GGTA1: variants seen among roughly 807,000 people sequenced by gnomAD.
GGTA1 encodes the protein glycoprotein alpha-galactosyltransferase 1 (inactive), also known as inactive N-acetyllactosaminide alpha-1,3-galactosyltransferase.
A neutral mutation model predicts 2.6 loss-of-function variants in GGTA1; 5 were observed. The ratio of observed to expected loss-of-function variants is 1.92; its 90% CI spans 1.00 to 4.04. The LOEUF (loss-of-function observed/expected upper bound fraction) is 4.04. GGTA1 is among the 30% of genes most tolerant of loss of function. The probability of loss-of-function intolerance (pLI) is 0.00; values close to 1 mark genes in which losing one functional copy is unlikely to be tolerated. For missense variants in GGTA1, 50 were observed against 16.7 expected, an observed-to-expected ratio of 2.99 and a Z score of -3.47; for synonymous variants, 17 against 5.0, an observed-to-expected ratio of 3.38 and a Z score of -3.19.
chr9:121,454,749 A>C (rs1362423566), downstream of GGTA1, among the ~76,000 whole-genome samples: 1 of 152,210 alleles, frequency 6.6e-6, no homozygotes, highest in African/African-American at 2.4e-5. Flanking sequence ...GCGGTGGCTC[A>C]TGCCTGCAAT....
intron 1 of GGTA1, among the ~76,000 whole-genome samples, chr9:121,478,727 A>G (rs1828569635): frequency 6.6e-6 from 1 of 152,190 alleles, no homozygotes; most frequent in South Asian, 2.1e-4. Flanking sequence ...CGCTCCAGCC[A>G]TCTCAAATGG....
intron 1 of GGTA1, among the ~76,000 whole-genome samples, chr9:121,471,885 CT>C (rs1828397176): frequency 6.6e-6 from 1 of 152,220 alleles, no homozygotes; most frequent in African/African-American, 2.4e-5. Flanking sequence ...CTGGAAAAGT[CT>C]TAGTTTCGGG....
intron 1 of GGTA1, among the ~76,000 whole-genome samples, chr9:121,497,832 C>G (rs541285174): frequency 1.3e-5 from 2 of 152,274 alleles, no homozygotes; most frequent in South Asian, 4.1e-4. Flanking sequence ...CCCAGAAGGG[C>G]CAGAAGGCAG....
At chr9:121,447,149 G>T (rs907799081) in exon 8 of GGTA1, 1 of 152,616 alleles carries the variant, frequency 6.6e-6, no homozygotes, top group African/African-American at 2.4e-5. Flanking sequence ...GAACCTGAAT[G>T]GGTGTTCCTC....
rs1456959741 is a variant in GGTA1, at chr9:121,467,950, G to C, written c.-9-19C>G. ...TTTTCTCCTAGGAAAAAAGAAGAGG[G>C]GAGAAAAAAAGAGAACAGATTAAAT... is the stretch of plus-strand genomic sequence containing the variant. On this transcript the variant is annotated intron_variant, in intron 1 of 5. Coordinates refer to ENST00000481799, the MANE Select transcript of GGTA1 (RefSeq NM_001382585.1). 1 of 449,014 alleles carries C rather than the reference G, an allele frequency of 2.2e-6. No individual in the cohort carries two copies. The highest frequency in any genetic ancestry group is 2.5e-5 in the Admixed American group (1 of 40,806). 27.8% of individuals were successfully genotyped at this position (449,014 alleles called of 1,614,324 possible). A position where few individuals can be genotyped will look rare whatever the true frequency, so the allele number is the denominator to read the frequency against.
intron 1 of GGTA1, among the ~76,000 whole-genome samples, chr9:121,495,139 C>A (rs1269204880): frequency 6.6e-6 from 1 of 151,740 alleles, no homozygotes; most frequent in South Asian, 2.1e-4. Flanking sequence ...AAGCTGGTCT[C>A]GAACTCCCGA....
chr9:121,487,656 T>C (rs1828790207), intron 1 of GGTA1, among the ~76,000 whole-genome samples: 1 of 149,708 alleles, frequency 6.7e-6, no homozygotes, highest in South Asian at 2.1e-4. Context: ...CCCTTGAAAA[T>C]GCTCCACTGA....
chr9:121,493,138 GA>G (rs79574958), intron 1 of GGTA1, among the ~76,000 whole-genome samples: 32,607 of 141,982 alleles, frequency 0.23, 4,150 homozygotes, highest in Middle Eastern at 0.31. Flanking sequence ...TGTCTCCAAA[GA>G]AAAAAAAAAA....
chr9:121,471,759 C>T (rs1427971046), intron 1 of GGTA1, among the ~76,000 whole-genome samples: 1 of 152,184 alleles, frequency 6.6e-6, no homozygotes, highest in African/African-American at 2.4e-5. Context: ...TATGAGCCAG[C>T]ACATACAGCC....
chr9:121,464,739 C>T (rs1170832062), intron 2 of GGTA1, among the ~76,000 whole-genome samples: 1 of 152,222 alleles, frequency 6.6e-6, no homozygotes, highest in Non-Finnish European at 1.5e-5. Context: ...ATGAATATTT[C>T]ATCATAATTT....
At chr9:121,449,515 A>G (rs1259845585) in intron 7 of GGTA1, among the ~76,000 whole-genome samples, 2 of 152,102 alleles carry the variant, frequency 1.3e-5, no homozygotes, top group South Asian at 4.1e-4. Flanking sequence ...TGGTATTTTA[A>G]CTATTCATCT....
intron 1 of GGTA1, among the ~76,000 whole-genome samples, chr9:121,478,572 G>A (rs1485849269): frequency 6.6e-6 from 1 of 152,184 alleles, no homozygotes; most frequent in African/African-American, 2.4e-5. Flanking sequence ...GTCTTACAAG[G>A]AAATGCTTCC....
chr9:121,481,726 G>C, intron 1 of GGTA1, among the ~76,000 whole-genome samples: 1 of 150,666 alleles, frequency 6.6e-6, no homozygotes, highest in Non-Finnish European at 1.5e-5. Flanking sequence ...GCCAGGCACG[G>C]TGGCTCACAC....
At chr9:121,475,901 A>G (rs1324038022) in intron 1 of GGTA1, among the ~76,000 whole-genome samples, 1 of 152,142 alleles carries the variant, frequency 6.6e-6, no homozygotes, top group African/African-American at 2.4e-5. Context: ...TTAGGCTAAG[A>G]GCAAAGACTC....
At chr9:121,445,983 T>C (rs1426227960) in exon 8 of GGTA1, 1 of 152,186 alleles carries the variant, frequency 6.6e-6, no homozygotes, top group Non-Finnish European at 1.5e-5. Flanking sequence ...ACCATCCACA[T>C]CTCTTTACCA....
At chr9:121,488,063 T>C (rs550591259) in intron 1 of GGTA1, among the ~76,000 whole-genome samples, 2 of 152,210 alleles carry the variant, frequency 1.3e-5, no homozygotes, top group South Asian at 4.2e-4. Context: ...ATTTTACAGA[T>C]GCAGAAACAG....
intron 1 of GGTA1, among the ~76,000 whole-genome samples, chr9:121,475,690 T>C (rs1564655111): frequency 1.3e-5 from 2 of 152,152 alleles, no homozygotes. Context: ...GAGCTTCTGT[T>C]CCAATGGGAG....
At chr9:121,457,700 TA>T (rs35336090) in intron 5 of GGTA1, among the ~76,000 whole-genome samples, 112 of 123,036 alleles carry the variant, frequency 9.1e-4, no homozygotes, top group African/African-American at 2.3e-3. Flanking sequence ...GAATCCATCT[TA>T]AAAAAAAAAA....
chr9:121,448,754 A>C (rs992769220), intron 7 of GGTA1, among the ~76,000 whole-genome samples: 1 of 151,944 alleles, frequency 6.6e-6, no homozygotes, highest in Admixed American at 6.6e-5. Flanking sequence ...CCACCCCTCC[A>C]CTATCAACAT....
Sources: gnomAD v4.1 joint callset for allele counts (sites outside exome capture counted in the v4.1 genomes callset) on GRCh38, gnomAD v4.1.1 for gene constraint, MANE v1.5 for transcripts, NCBI Gene and HGNC (gene_info 2026-07-23, HGNC 2026-07-21) for gene names.